Variants in THSD7A observed in about 807,000 individuals in gnomAD.
THSD7A encodes thrombospondin type 1 domain containing 7A, also known as thrombospondin type-1 domain-containing protein 7A.
A neutral mutation model predicts 231.3 loss-of-function variants in THSD7A; 96 were observed. That is an observed-to-expected ratio of 0.41 (90% CI 0.35 to 0.49). THSD7A has a LOEUF of 0.49. Among genes scored for constraint, THSD7A ranks in the 20% least tolerant of loss-of-function variants. The pLI, the probability that THSD7A is intolerant of heterozygous loss-of-function variation, is 0.05. For missense variants in THSD7A, 2,290 were observed against 2,070.2 expected (o/e 1.11, Z -2.06); for synonymous variants, 940 against 743.3 (o/e 1.26, Z -4.30).
chr7:11,610,206 G>T (rs971553538), intron 2 of THSD7A, among the ~76,000 whole-genome samples: 1 of 151,986 alleles, frequency 6.6e-6, no homozygotes, highest in Non-Finnish European at 1.5e-5. Flanking sequence ...CATAGAAAAC[G>T]ACACTTGATT....
rs1783776295 is a variant in THSD7A at position 11,411,267 on chromosome 7, T to C, written c.3738A>G (p.Thr1246=). ...EKAVCGNGIK[T]RMLDCVRSDG... Reference sequence around the variant, plus strand: ...CACTTCGAACACAATCCAACATCCTTGTTTTTATTCCATTTCCACAAACTG... The same window carrying C: ...CACTTCGAACACAATCCAACATCCTCGTTTTTATTCCATTTCCACAAACTG... Residue 1246 remains threonine (T), a synonymous_variant, in exon 19 of 28, where the codon ACA becomes ACG. Transcript: ENST00000423059. This position sits in a 1 kb window ranked among gnomAD's most constrained non-coding sequence, Gnocchi z 4.1. 1 of 1,613,792 alleles carries C rather than the reference T, an allele frequency of 6.2e-7. No homozygotes were observed. The highest frequency in any genetic ancestry group is 1.3e-5 in the African/African-American group (1 of 74,910).
At chr7:11,546,204 T>TGCGCACACACACA (rs1562706169) in intron 4 of THSD7A, among the ~76,000 whole-genome samples, 1 of 140,266 alleles carries the variant, frequency 7.1e-6, no homozygotes. Context: ...GGGCGCGCGC[T>TGCGCACACACACA]CACACACACA....
intron 6 of THSD7A, among the ~76,000 whole-genome samples, chr7:11,529,610 C>CTG (rs918251421): frequency 3.6e-5 from 2 of 56,230 alleles, no homozygotes; most frequent in African/African-American, 1.9e-4. Context: ...TTTGCTCTCT[C>CTG]TCTCTCTCGC....
intron 4 of THSD7A, among the ~76,000 whole-genome samples, chr7:11,583,325 G>A (rs1009622882): frequency 6.6e-6 from 1 of 152,088 alleles, no homozygotes; most frequent in African/African-American, 2.4e-5. Context: ...CACCGAGGCT[G>A]GAGTGCAGTG....
At chr7:11,781,607 T>C (rs1306265579) in intron 1 of THSD7A, among the ~76,000 whole-genome samples, 1 of 152,212 alleles carries the variant, frequency 6.6e-6, no homozygotes. Flanking sequence ...ATAAAGTAGA[T>C]ATTATCAAAA....
At chr7:11,385,921 A>G (rs1174143057) in intron 23 of THSD7A, among the ~76,000 whole-genome samples, 1 of 151,650 alleles carries the variant, frequency 6.6e-6, no homozygotes, top group Non-Finnish European at 1.5e-5. Context: ...CCCTGTGTCC[A>G]TATGTTCTCG....
chr7:11,829,168 G>GT (rs1445644646), intron 1 of THSD7A, among the ~76,000 whole-genome samples: 1 of 152,040 alleles, frequency 6.6e-6, no homozygotes, highest in Non-Finnish European at 1.5e-5. Context: ...TAGTAGTTAA[G>GT]TTTTGGGGAA....
intron 2 of THSD7A, among the ~76,000 whole-genome samples, chr7:11,609,801 T>G (rs1301658197): frequency 6.6e-6 from 1 of 152,144 alleles, no homozygotes; most frequent in African/African-American, 2.4e-5. Context: ...ATATTCAGTT[T>G]TATTGAATCA....
chr7:11,385,771 G>A (rs1436094729), intron 23 of THSD7A: 1 of 151,356 alleles, frequency 6.6e-6, no homozygotes, highest in African/African-American at 2.4e-5. Flanking sequence ...TAGTAACTGG[G>A]GGTTTGTTAC....
intron 1 of THSD7A, among the ~76,000 whole-genome samples, chr7:11,714,258 G>A (rs1562497406): frequency 6.6e-6 from 1 of 151,176 alleles, no homozygotes; most frequent in South Asian, 2.1e-4. Context: ...AATGTTCATA[G>A]TGAATTATAT....
intron 1 of THSD7A, among the ~76,000 whole-genome samples, chr7:11,648,923 C>T (rs963402712): frequency 3.3e-5 from 5 of 151,926 alleles, no homozygotes; most frequent in African/African-American, 7.2e-5. Context: ...GTGTATGATG[C>T]TGTCAGGATG....
chr7:11,736,469 G>T (rs1781915620), intron 1 of THSD7A, among the ~76,000 whole-genome samples: 1 of 147,992 alleles, frequency 6.8e-6, no homozygotes, highest in African/African-American at 2.6e-5. Context: ...GTGTGTGTGT[G>T]TGTGTGTGTG....
chr7:11,655,779 T>C (rs538248092), intron 1 of THSD7A, among the ~76,000 whole-genome samples: 1 of 152,048 alleles, frequency 6.6e-6, no homozygotes, highest in African/African-American at 2.4e-5. Context: ...CTCTGCTAAG[T>C]CATCTCACAC....
At chr7:11,599,715 G>A (rs775578136) in intron 2 of THSD7A, among the ~76,000 whole-genome samples, 8 of 152,142 alleles carry the variant, frequency 5.3e-5, no homozygotes, top group Non-Finnish European at 1.0e-4. Flanking sequence ...ATGGGTTCAA[G>A]TTGACAAGGG....
chr7:11,406,905 G>A lies in THSD7A; in HGVS notation c.4062+5C>T. ...ACTTCCTGACAACTTCTTGAGATTT[G>A]ATACCTGCACTTGGCATGGAGACCA... On this transcript the variant is annotated splice_donor_5th_base_variant and intron_variant, in intron 21 of 27. Transcript: ENST00000423059. This position sits in a 1 kb window ranked among gnomAD's most constrained non-coding sequence, Gnocchi z 4.7. 6.2e-7 allele frequency: 1 copy of A among 1,613,624 alleles called. No homozygotes were observed. The highest frequency in any genetic ancestry group is 8.5e-7 in the Non-Finnish European group (1 of 1,179,778).
intron 1 of THSD7A, among the ~76,000 whole-genome samples, chr7:11,808,859 C>T (rs1204884159): frequency 1.3e-5 from 2 of 151,806 alleles, no homozygotes; most frequent in Non-Finnish European, 2.9e-5. Context: ...ATATCATTTA[C>T]AGTATAATTT....
At chr7:11,560,340 C>T (rs1393224496) in intron 4 of THSD7A, among the ~76,000 whole-genome samples, 2 of 152,140 alleles carry the variant, frequency 1.3e-5, no homozygotes, top group Non-Finnish European at 2.9e-5. Context: ...TGGCCTGGCA[C>T]TCACACCTAT....
intron 13 of THSD7A, among the ~76,000 whole-genome samples, chr7:11,430,993 T>C (rs901135929): frequency 1.3e-5 from 2 of 152,210 alleles, no homozygotes; most frequent in African/African-American, 4.8e-5. Flanking sequence ...CATTTTCAAT[T>C]CCCTTGAATA....
intron 1 of THSD7A, among the ~76,000 whole-genome samples, chr7:11,674,787 A>G (rs1415237487): frequency 1.3e-5 from 2 of 152,196 alleles, no homozygotes; most frequent in African/African-American, 4.8e-5. Context: ...GGATTGCACT[A>G]GAACCCTAGC....
Sources: gnomAD v4.1 joint callset for allele counts (sites outside exome capture counted in the v4.1 genomes callset) on GRCh38, gnomAD v4.1.1 for gene constraint, Gnocchi (gnomAD v3.1) non-coding constraint, MANE v1.5 for transcripts, NCBI Gene and HGNC (gene_info 2026-07-23, HGNC 2026-07-21) for gene names.